Variants in RGS7 observed in about 807,000 individuals in gnomAD.
RGS7 encodes the protein regulator of G protein signaling 7.
RGS7 carries 27 observed loss-of-function variants against 81.1 expected under a neutral mutation model. The ratio of observed to expected loss-of-function variants is 0.33; its 90% CI spans 0.25 to 0.46. RGS7 has a LOEUF of 0.46. Ranked by LOEUF, RGS7 falls within the 20% of genes least tolerant of loss-of-function variation. The pLI is 1.00. For synonymous variants in RGS7, 208 were observed against 207.7 expected (o/e 1.00, Z -0.01); for missense variants, 396 against 607.4 (o/e 0.65, Z 3.66).
chr1:241,083,134 A>C (rs1487051428), intron 3 of RGS7, among the ~76,000 whole-genome samples: 2 of 151,250 alleles, frequency 1.3e-5, no homozygotes, highest in Non-Finnish European at 2.9e-5. Context: ...CTGAGGCAGA[A>C]GGCTTGCTTG....
chr1:241,156,656 G>C (rs1224364554), intron 2 of RGS7, among the ~76,000 whole-genome samples: 1 of 152,150 alleles, frequency 6.6e-6, no homozygotes, highest in East Asian at 1.9e-4. Context: ...AGGTCTCAAA[G>C]AGCAGCCAGC....
At chr1:241,015,279 G>A (rs912504952) in intron 3 of RGS7, among the ~76,000 whole-genome samples, 6 of 152,074 alleles carry the variant, frequency 3.9e-5, no homozygotes, top group South Asian at 4.1e-4. Flanking sequence ...TTCATCTGTC[G>A]TGTACTTTCT....
intron 3 of RGS7, among the ~76,000 whole-genome samples, chr1:241,016,671 C>T (rs2059258880): frequency 1.3e-5 from 2 of 152,080 alleles, no homozygotes; most frequent in African/African-American, 4.8e-5. Context: ...GACTAGAGTA[C>T]TAATGTCTCT....
intron 6 of RGS7, among the ~76,000 whole-genome samples, chr1:240,871,256 T>C (rs1026133055): frequency 1.3e-5 from 2 of 152,224 alleles, no homozygotes; most frequent in African/African-American, 4.8e-5. Flanking sequence ...ATGAGGACTG[T>C]CAAATATTAC....
At chr1:241,069,682 GTT>G (rs1489398419) in intron 3 of RGS7, among the ~76,000 whole-genome samples, 1 of 152,110 alleles carries the variant, frequency 6.6e-6, no homozygotes, top group Non-Finnish European at 1.5e-5. Flanking sequence ...GGGATGTTTA[GTT>G]TATGTACAAA....
chr1:241,325,419 C>T (rs1334535049), intron 2 of RGS7, among the ~76,000 whole-genome samples: 1 of 152,092 alleles, frequency 6.6e-6, no homozygotes, highest in African/African-American at 2.4e-5. Context: ...CAGTTACTCA[C>T]GCTAAGCTAT....
intron 2 of RGS7, among the ~76,000 whole-genome samples, chr1:241,305,123 G>C (rs190176559): frequency 6.6e-6 from 1 of 152,118 alleles, no homozygotes; most frequent in African/African-American, 2.4e-5. Flanking sequence ...ATTCTTTTAC[G>C]AGTTTTTAAC....
intron 18 of RGS7, among the ~76,000 whole-genome samples, chr1:240,779,731 A>G (rs1683654016): frequency 6.6e-6 from 1 of 152,202 alleles, no homozygotes; most frequent in Non-Finnish European, 1.5e-5. Context: ...TCATCTGTAA[A>G]ATGAGGATAA....
chr1:241,073,753 C>T (rs531261281), intron 3 of RGS7, among the ~76,000 whole-genome samples: 1 of 152,304 alleles, frequency 6.6e-6, no homozygotes, highest in Non-Finnish European at 1.5e-5. Flanking sequence ...TAACAGACAA[C>T]ACCCTGTGGA....
Position 241,344,409 on chromosome 1 carries a change from C to T in RGS7, c.78+11290G>A, listed in dbSNP as rs531161968. 1.2e-4 allele frequency among the ~76,000 whole-genome samples: 19 copies of T among 152,328 alleles called. No homozygotes were observed. In the South Asian group the frequency reaches 3.9e-3, roughly 32 times the overall value. ...TGGTAGGAAAATCCATGTCCCTTTT[C>T]TGGACAATTACAATGAACAGTTCAC... On this transcript the variant is annotated intron_variant, in intron 2 of 18. Coordinates refer to ENST00000440928, the MANE Select transcript of RGS7 (RefSeq NM_001364886.1).
chr1:241,131,172 TGTCATGCATGA>T (rs1272410256), intron 2 of RGS7, among the ~76,000 whole-genome samples: 1 of 152,112 alleles, frequency 6.6e-6, no homozygotes, highest in Non-Finnish European at 1.5e-5. Flanking sequence ...ACCTTTCCAG[TGTCATGCATGA>T]GTCATATTGA....
At chr1:241,263,788 G>T (rs192177233) in intron 2 of RGS7, among the ~76,000 whole-genome samples, 1 of 152,250 alleles carries the variant, frequency 6.6e-6, no homozygotes, top group African/African-American at 2.4e-5. Context: ...CCGGCCTCAT[G>T]AACCTTACAT....
In RGS7 at chr1:241,164,449, A is replaced by G. The variant is rs2070012036; in HGVS notation, c.79-65687T>C. On this transcript the variant is annotated intron_variant, in intron 2 of 18. Coordinates refer to ENST00000440928, the MANE Select transcript of RGS7 (RefSeq NM_001364886.1). This position sits in a 1 kb window ranked among gnomAD's most constrained non-coding sequence, Gnocchi z 4.1. The stretch of plus-strand genomic sequence containing the variant: ...AGCGTCCGGTCCCCATCCTGAAGCC[A>G]CCTAGGGACTGCCAGCCATCAGCCA... Among the ~76,000 whole-genome samples the G allele has an allele frequency of 6.6e-6, 1 of 151,960 alleles. No individual in the cohort carries two copies. Among genetic ancestry groups the G allele is most frequent in the African/African-American group, 2.4e-5 (1 of 41,372 alleles).
At chr1:241,235,513 A>T (rs2075881067) in intron 2 of RGS7, among the ~76,000 whole-genome samples, 1 of 151,146 alleles carries the variant, frequency 6.6e-6, no homozygotes, top group Non-Finnish European at 1.5e-5. Context: ...GAATGAATAA[A>T]CTCCAACAAC....
intron 2 of RGS7, among the ~76,000 whole-genome samples, chr1:241,176,261 G>A (rs1482920841): frequency 2.0e-5 from 3 of 152,170 alleles, no homozygotes; most frequent in African/African-American, 4.8e-5. Flanking sequence ...AGATAGGATC[G>A]AGAAGCATAG....
In RGS7 at chr1:241,204,792, T is replaced by C. The variant is rs948784368; in HGVS notation, c.79-106030A>G. 4.6e-5 allele frequency among the ~76,000 whole-genome samples: 7 copies of C among 152,118 alleles called. No individual in the cohort carries two copies. In the South Asian group the frequency reaches 1.2e-3, roughly 27 times the overall value. Reference sequence around the variant, plus strand: ...ACTAATGTTTTAAATAGGCTTTACATAGAGCAGCAATTATGTGAGATGATA... The same window carrying C: ...ACTAATGTTTTAAATAGGCTTTACACAGAGCAGCAATTATGTGAGATGATA... On this transcript the variant is annotated intron_variant, in intron 2 of 18. Coordinates refer to ENST00000440928, the MANE Select transcript of RGS7 (RefSeq NM_001364886.1).
rs898392686 is a variant in RGS7, at chr1:241,266,599, A to G, written c.78+89100T>C. On this transcript the variant is annotated intron_variant, in intron 2 of 18. Transcript: ENST00000440928. The stretch of plus-strand genomic sequence containing the variant: ...TGCTTGAGCTTTTCCATTTGGGGCC[A>G]GGCCTATTCCACTTGTATTACCTTT... Among the ~76,000 whole-genome samples the G allele has an allele frequency of 2.0e-5, 3 of 152,312 alleles. No homozygotes were observed. The South Asian group carries it at 6.2e-4, about 32-fold the overall frequency.
chr1:241,164,961 A>G lies in RGS7; in HGVS notation c.79-66199T>C, dbSNP rs1285257583. Among the ~76,000 whole-genome samples the G allele has an allele frequency of 6.6e-6, 1 of 152,208 alleles. No homozygotes were observed. The highest frequency in any genetic ancestry group is 1.9e-4 in the East Asian group (1 of 5,198). On this transcript the variant is annotated intron_variant, in intron 2 of 18. Transcript: ENST00000440928. This position sits in a 1 kb window ranked among gnomAD's most constrained non-coding sequence, Gnocchi z 4.1. ...AACTGTGTCATTCACATGCTGTCAT[A>G]TCCATCACATTTCCAACTCATTCCA...
intron 2 of RGS7, among the ~76,000 whole-genome samples, chr1:241,173,211 CTG>C (rs1164046482): frequency 2.0e-5 from 3 of 152,174 alleles, no homozygotes; most frequent in South Asian, 2.1e-4. Context: ...CTCTGTGACT[CTG>C]TGAACTCCAT....
Sources: allele counts gnomAD v4.1 joint callset (sites outside exome capture counted in the v4.1 genomes callset), GRCh38; gene constraint gnomAD v4.1.1; non-coding constraint Gnocchi (gnomAD v3.1); transcripts MANE v1.5; gene names NCBI Gene and HGNC (gene_info 2026-07-23, HGNC 2026-07-21).